PIK3C3: variants seen among roughly 807,000 people sequenced by gnomAD.
PIK3C3 encodes phosphatidylinositol 3-kinase catalytic subunit type 3, also known as PI3-kinase type 3.
Under a neutral mutation model 126.1 loss-of-function variants are expected in PIK3C3, and 95 were observed. That is an observed-to-expected ratio of 0.75 (90% CI 0.64 to 0.89). PIK3C3 has a LOEUF of 0.89. Ranked by LOEUF, PIK3C3 falls within the 40% of genes least tolerant of loss-of-function variation. The pLI, the probability that PIK3C3 is intolerant of heterozygous loss-of-function variation, is 0.00. For missense variants in PIK3C3, 829 were observed against 1,063.2 expected (o/e 0.78, Z 3.06); for synonymous variants, 374 against 360.0 (o/e 1.04, Z -0.44).
chr18:42,020,596 A>T (rs1983277047), intron 12 of PIK3C3, 42 bp from the exon 13 acceptor site: 9 of 1,222,186 alleles, frequency 7.4e-6, no homozygotes, highest in Non-Finnish European at 1.1e-5. Context: ...CCCCATTACT[A>T]GTAGATGATA....
chr18:42,029,303 TTTCTCACTTTGAACCC>T lies in PIK3C3; in HGVS notation c.1591-18_1591-3del. ...TCATTACGCAACATAGAACTAATTTTTTCTCACTTTGAACCCTTCAGGGTGATAAGTCTGTCAGAGT... is the reference window on the plus strand; with the variant it reads ...TCATTACGCAACATAGAACTAATTTTTTCAGGGTGATAAGTCTGTCAGAGT... On this transcript the variant is annotated splice_region_variant and splice_polypyrimidine_tract_variant and intron_variant, in intron 14 of 24. Transcript: ENST00000262039. 1 of 1,482,888 alleles carries T rather than the reference TTTCTCACTTTGAACCC, an allele frequency of 6.7e-7. No homozygotes were observed. The highest frequency in any genetic ancestry group is 9.4e-7 in the Non-Finnish European group (1 of 1,060,608). The allele number at this position is 1,482,888 out of a possible 1,614,324, so 91.9% of individuals were successfully genotyped here.
chr18:42,020,824 T>C (rs957080067), intron 13 of PIK3C3, 119 bp downstream of exon 13: 2 of 621,216 alleles, frequency 3.2e-6, no homozygotes, highest in Non-Finnish European at 5.7e-6. Context: ...AGTCTAGATA[T>C]AGTATTTATA....
At position 41,993,358 on chromosome 18, in the gene PIK3C3, T is replaced by C; in HGVS notation, c.786+17T>C. 2 of 1,530,754 alleles carry C rather than the reference T, an allele frequency of 1.3e-6. No individual in the cohort carries two copies. The highest frequency in any genetic ancestry group is 1.8e-6 in the Non-Finnish European group (2 of 1,110,170). 94.8% of individuals were successfully genotyped at this position (1,530,754 alleles called of 1,614,324 possible). A position where few individuals can be genotyped will look rare whatever the true frequency, so the allele number is the denominator to read the frequency against. The stretch of plus-strand genomic sequence containing the variant: ...ATGTCTATGGTAAGTTATTGTGCAA[T>C]TTTTTTATGAAAGTACTTTTCTTCA... On this transcript the variant is annotated intron_variant, in intron 7 of 24. Coordinates refer to ENST00000262039, the MANE Select transcript of PIK3C3 (RefSeq NM_002647.4).
intron 22 of PIK3C3, among the ~76,000 whole-genome samples, 160 bp downstream of exon 22, chr18:42,058,211 A>G (rs1985159437): frequency 6.6e-6 from 1 of 152,250 alleles, no homozygotes; most frequent in Admixed American, 6.5e-5. Context: ...CAATTTTGAC[A>G]AACTGTCAAA....
chr18:42,050,556 A>G (rs1329694360), intron 21 of PIK3C3: 1 of 152,196 alleles, frequency 6.6e-6, no homozygotes, highest in Non-Finnish European at 1.5e-5. Context: ...TAGCAACATC[A>G]CCTACCCAGT....
intron 9 of PIK3C3, among the ~76,000 whole-genome samples, chr18:42,000,731 G>A (rs1467253957): frequency 6.6e-6 from 1 of 152,120 alleles, no homozygotes; most frequent in African/African-American, 2.4e-5. Flanking sequence ...CATGTCTTAC[G>A]TGGATGGCAG....
intron 16 of PIK3C3, 122 bp downstream of exon 16, chr18:42,034,079 A>G: frequency 1.7e-6 from 1 of 598,412 alleles, no homozygotes; most frequent in East Asian, 3.4e-5. Flanking sequence ...TTGATTTAGT[A>G]AATGCTAGAT....
intron 1 of PIK3C3, 55 bp from the exon 2 acceptor site, chr18:41,957,515 T>G: frequency 6.5e-7 from 1 of 1,538,462 alleles, no homozygotes; most frequent in Non-Finnish European, 8.8e-7. Context: ...CTTATGTATA[T>G]ATGTACATGC....
At chr18:41,955,427 G>T in intron 1 of PIK3C3, 68 bp downstream of exon 1, 1 of 1,325,308 alleles carries the variant, frequency 7.5e-7, no homozygotes, top group South Asian at 1.2e-5. Context: ...GGGGCCTGTT[G>T]GGAGTGAGAG....
chr18:41,967,705 G>A (rs1226681427), intron 3 of PIK3C3, among the ~76,000 whole-genome samples: 1 of 152,218 alleles, frequency 6.6e-6, no homozygotes, highest in Admixed American at 6.5e-5. Flanking sequence ...TCTAGCATAT[G>A]AAATTTCAAA....
At chr18:42,065,705 A>G (rs1030095785) in intron 23 of PIK3C3, among the ~76,000 whole-genome samples, 3 of 152,118 alleles carry the variant, frequency 2.0e-5, no homozygotes, top group Middle Eastern at 3.2e-3. Context: ...GTTTCCAAAG[A>G]TGGGGATTTT....
rs750055686 is a variant in PIK3C3, at chr18:42,029,344, T to C, written c.1610T>C (p.Val537Ala). ...CTTCAGGGTGATAAGTCTGTCAGAGTTATGCGTTCTTTGCTGGCTGCACAA... is the reference window on the plus strand; with the variant it reads ...CTTCAGGGTGATAAGTCTGTCAGAGCTATGCGTTCTTTGCTGGCTGCACAA... ...ALLKGDKSVR[V>A]MRSLLAAQQT... The change falls in exon 15 of 25, where the codon GTT (valine) becomes GCT (alanine). Residue 537 changes from valine (V) to alanine (A), a missense_variant. By Grantham distance (64) the Val-to-Ala change is moderately conservative. Around this residue, in one of 4 missense-constraint regions of PIK3C3, gnomAD observed 256 missense variants for 291.0 expected, o/e 0.88. Coordinates refer to ENST00000262039, the MANE Select transcript of PIK3C3 (RefSeq NM_002647.4). 1.9e-6 allele frequency: 3 copies of C among 1,613,360 alleles called. No homozygotes were observed. Among genetic ancestry groups the C allele is most frequent in the Non-Finnish European group, 2.5e-6 (3 of 1,179,406 alleles).
chr18:42,079,694 A>G (rs1986167167), intron 24 of PIK3C3, among the ~76,000 whole-genome samples: 1 of 152,224 alleles, frequency 6.6e-6, no homozygotes, highest in Admixed American at 6.5e-5. Context: ...TTTGTCATAC[A>G]TAGACGCATA....
At chr18:41,955,552 A>G (rs1405793232) in intron 1 of PIK3C3, 193 bp downstream of exon 1, 2 of 529,918 alleles carry the variant, frequency 3.8e-6, no homozygotes, top group Admixed American at 3.6e-5. Flanking sequence ...AAAGGATTTA[A>G]TACGTGGTCT....
chr18:41,955,649 G>A (rs978954395), intron 1 of PIK3C3, among the ~76,000 whole-genome samples: 6 of 152,204 alleles, frequency 3.9e-5, no homozygotes, highest in Non-Finnish European at 7.3e-5. Flanking sequence ...CCTTTTGAGA[G>A]TTTATTACTA....
At chr18:41,989,856 C>CT (rs920817647) in intron 5 of PIK3C3, among the ~76,000 whole-genome samples, 13 of 151,900 alleles carry the variant, frequency 8.6e-5, no homozygotes, top group African/African-American at 2.4e-4. Flanking sequence ...ATATAAATAA[C>CT]TTTTTTTTAT....
intron 11 of PIK3C3, 55 bp downstream of exon 11, chr18:42,013,651 A>T: frequency 7.5e-7 from 1 of 1,340,684 alleles, no homozygotes; most frequent in Non-Finnish European, 1.0e-6. Context: ...TCCCTTTTCA[A>T]ATTGTTTTCT....
intron 12 of PIK3C3, 86 bp downstream of exon 12, chr18:42,015,652 T>A: frequency 1.1e-6 from 1 of 869,920 alleles, no homozygotes; most frequent in Non-Finnish European, 1.9e-6. Context: ...TCAATTTTGA[T>A]TAAATAACTA....
intron 4 of PIK3C3, among the ~76,000 whole-genome samples, chr18:41,978,941 G>A (rs1027903586): frequency 1.3e-5 from 2 of 151,604 alleles, no homozygotes; most frequent in African/African-American, 4.9e-5. Context: ...AGAGTTACTA[G>A]CTAGGCATGT....
Sources: gnomAD v4.1 joint callset for allele counts (sites outside exome capture counted in the v4.1 genomes callset) on GRCh38, gnomAD v4.1.1 for gene constraint, gnomAD v4.1.1 regional missense constraint, MANE v1.5 for transcripts, NCBI Gene and HGNC (gene_info 2026-07-23, HGNC 2026-07-21) for gene names.